Variants in PDE6B observed in about 807,000 individuals in gnomAD.
The protein encoded by PDE6B is rod cGMP-specific 3',5'-cyclic phosphodiesterase subunit beta.
In PDE6B, 106 loss-of-function variants were observed where a neutral mutation model predicts 109.0. That is an observed-to-expected ratio of 0.97 (90% CI 0.83 to 1.14). The LOEUF (loss-of-function observed/expected upper bound fraction) is 1.14. Among genes scored for constraint, PDE6B ranks in the 50% most tolerant of loss-of-function variants. The probability of loss-of-function intolerance (pLI) is 0.00; values close to 1 mark genes in which losing one functional copy is unlikely to be tolerated. For missense variants in PDE6B, 1,193 were observed against 1,155.6 expected (o/e 1.03, Z -0.47); for synonymous variants, 490 against 471.3 (o/e 1.04, Z -0.51).
rs1373800901 is a variant in PDE6B at position 626,311 on chromosome 4, G to T, written c.468+217G>T. On this transcript the variant is annotated intron_variant, in intron 1 of 21. Coordinates refer to ENST00000496514, the MANE Select transcript of PDE6B (RefSeq NM_000283.4). The surrounding 1 kb of genome is among the most constrained non-coding windows in gnomAD (Gnocchi z 4.6). Reference sequence around the variant, plus strand: ...TCGGCTTCTGGCTCAAGCTGACATCGCATGGCCACTGAGTTGGTTAGACCT... The same window carrying T: ...TCGGCTTCTGGCTCAAGCTGACATCTCATGGCCACTGAGTTGGTTAGACCT... Among the ~76,000 whole-genome samples the T allele has an allele frequency of 6.6e-6, 1 of 152,214 alleles. No homozygotes were observed. Among genetic ancestry groups the T allele is most frequent in the Non-Finnish European group, 1.5e-5 (1 of 68,044 alleles).
intron 3 of PDE6B, among the ~76,000 whole-genome samples, chr4:649,586 G>A (rs1258858428): frequency 6.6e-6 from 1 of 152,130 alleles, no homozygotes; most frequent in Non-Finnish European, 1.5e-5. Context: ...AGCCTGGGAA[G>A]ACTGTTCACT....
intron 5 of PDE6B, chr4:654,410 G>T: frequency 1.6e-6 from 1 of 634,926 alleles, no homozygotes; most frequent in Non-Finnish European, 2.9e-6. Flanking sequence ...GATTGTGGGG[G>T]CTCCTGCTGC....
chr4:629,437 G>A (rs1272189284), intron 1 of PDE6B, among the ~76,000 whole-genome samples: 7 of 152,214 alleles, frequency 4.6e-5, no homozygotes, highest in Admixed American at 1.3e-4. Flanking sequence ...ACTGTGCAGC[G>A]GTTTCTGAGC....
In PDE6B at chr4:625,908, C is replaced by G; in HGVS notation, c.282C>G (p.Leu94=). Residue 94 remains leucine (L), a synonymous_variant, in exon 1 of 22, where the codon CTC becomes CTG. Coordinates refer to ENST00000496514, the MANE Select transcript of PDE6B (RefSeq NM_000283.4). The surrounding 1 kb of genome is among the most constrained non-coding windows in gnomAD (Gnocchi z 5.0). ...CTLLQADRCS[L]FMYRQRNGVA... is the part of the protein sequence containing the mutation. ...TCCTGCAGGCCGACCGCTGCAGCCTCTTCATGTACCGCCAGCGCAACGGCG... is the reference window on the plus strand; with the variant it reads ...TCCTGCAGGCCGACCGCTGCAGCCTGTTCATGTACCGCCAGCGCAACGGCG... 5 of 1,603,262 alleles carry G rather than the reference C, an allele frequency of 3.1e-6. No homozygotes were observed. Among genetic ancestry groups the G allele is most frequent in the South Asian group, 1.1e-5 (1 of 89,720 alleles).
rs905595326 is a variant in PDE6B, at chr4:667,744, C to T, written c.2353-112C>T. On this transcript the variant is annotated intron_variant, in intron 20 of 21. Coordinates refer to ENST00000496514, the MANE Select transcript of PDE6B (RefSeq NM_000283.4). ...AGGTGCCCCCTCCGTGGCGCTCCCT[C>T]CTCCTGCCAGGCAGTTCATCCCCTA... is the stretch of plus-strand genomic sequence containing the variant. The T allele has an allele frequency of 7.6e-6, 9 of 1,190,272 alleles. No individual in the cohort carries two copies. In the East Asian group the frequency reaches 1.7e-4, roughly 22 times the overall value. 73.7% of individuals were successfully genotyped at this position (1,190,272 alleles called of 1,614,324 possible). A position where few individuals can be genotyped will look rare whatever the true frequency, so the allele number is the denominator to read the frequency against.
At chr4:641,677 C>T (rs1734951789) in intron 3 of PDE6B, among the ~76,000 whole-genome samples, 1 of 152,202 alleles carries the variant, frequency 6.6e-6, no homozygotes, top group Non-Finnish European at 1.5e-5. Flanking sequence ...GACAGAGTCT[C>T]ACTCTGTCAC....
intron 20 of PDE6B, among the ~76,000 whole-genome samples, chr4:667,092 C>T (rs1737885186): frequency 6.6e-6 from 1 of 152,250 alleles, no homozygotes; most frequent in Admixed American, 6.5e-5. Context: ...CAATCTGCCA[C>T]AGTCCGATGC....
chr4:652,460 G>A (rs1193280807), intron 3 of PDE6B: 3 of 981,630 alleles, frequency 3.1e-6, no homozygotes, highest in Non-Finnish European at 3.6e-6. Flanking sequence ...GTGAAAGGGT[G>A]CAAAGCGTTC....
chr4:639,779 T>C (rs943017276), intron 3 of PDE6B, among the ~76,000 whole-genome samples: 7 of 152,178 alleles, frequency 4.6e-5, no homozygotes, highest in African/African-American at 1.4e-4. Context: ...GAGACCAGCC[T>C]GGGCAACACG....
intron 3 of PDE6B, among the ~76,000 whole-genome samples, chr4:639,427 C>A (rs1477651779): frequency 1.3e-5 from 2 of 152,122 alleles, no homozygotes; most frequent in Non-Finnish European, 2.9e-5. Context: ...GCAAGTCAGG[C>A]AGAGCAGGGG....
At position 665,202 on chromosome 4, in the gene PDE6B, C is replaced by G; in HGVS notation, c.2194-53C>G. 1 of 1,361,800 alleles carries G rather than the reference C, an allele frequency of 7.3e-7. No homozygotes were observed. Among genetic ancestry groups the G allele is most frequent in the Non-Finnish European group, 1.0e-6 (1 of 958,538 alleles). The allele number at this position is 1,361,800 out of a possible 1,614,324, so 84.4% of individuals were successfully genotyped here. A position where few individuals can be genotyped will look rare whatever the true frequency, so the allele number is the denominator to read the frequency against. The stretch of plus-strand genomic sequence containing the variant: ...CGGAGCCTCACGGGGCGGGCCCGGG[C>G]CCTTCCGCGTGGGCTCAGAGCTCCA... On this transcript the variant is annotated intron_variant, in intron 18 of 21. Coordinates refer to ENST00000496514, the MANE Select transcript of PDE6B (RefSeq NM_000283.4). This position sits in a 1 kb window ranked among gnomAD's most constrained non-coding sequence, Gnocchi z 4.0.
rs1737858821 is a variant in PDE6B at position 666,851 on chromosome 4, G to A, written c.2352+237G>A. Among the ~76,000 whole-genome samples, 1 of 152,174 alleles carries A rather than the reference G, an allele frequency of 6.6e-6. No homozygotes were observed. The highest frequency in any genetic ancestry group is 1.5e-5 in the Non-Finnish European group (1 of 68,022). ...ACCCTGCTGTGCCCCTGGAAGCTCT[G>A]AGCCCTTTCCCAGCCCAGAATGTCC... On this transcript the variant is annotated intron_variant, in intron 20 of 21. Transcript: ENST00000496514. The surrounding 1 kb of genome is among the most constrained non-coding windows in gnomAD (Gnocchi z 5.6).
intron 1 of PDE6B, among the ~76,000 whole-genome samples, chr4:627,439 C>G (rs1345622440): frequency 6.6e-6 from 1 of 152,170 alleles, no homozygotes; most frequent in Non-Finnish European, 1.5e-5. Context: ...AGCCACCGCA[C>G]CAGGCCGGAA....
chr4:631,477 C>T (rs1203075498), intron 1 of PDE6B, among the ~76,000 whole-genome samples: 1 of 151,456 alleles, frequency 6.6e-6, no homozygotes, highest in Admixed American at 6.6e-5. Context: ...TTGTGTGGAT[C>T]CCTGTGGCGC....
Position 663,991 on chromosome 4 carries a change from C to T in PDE6B, c.2021+121C>T, listed in dbSNP as rs887334709. 20 of 1,100,468 alleles carry T rather than the reference C, an allele frequency of 1.8e-5. No individual in the cohort carries two copies. The East Asian group carries it at 4.6e-4, about 25-fold the overall frequency. The allele number at this position is 1,100,468 out of a possible 1,614,324, so 68.2% of individuals were successfully genotyped here. On this transcript the variant is annotated intron_variant, in intron 16 of 21. Transcript: ENST00000496514. This position sits in a 1 kb window ranked among gnomAD's most constrained non-coding sequence, Gnocchi z 4.0. ...ACGCAGCCCCGGATTCCGTCCCTGC[C>T]CGCCGGCCCCGCGCACCCCGGATGG...
Position 665,004 on chromosome 4 carries a change from G to A in PDE6B, c.2193+60G>A. ...TGCCTCTCAGCACATGGGACTGCCG[G>A]GCGGGCGGGAGCCTCGGATGGCAAC... On this transcript the variant is annotated intron_variant, in intron 18 of 21. Coordinates refer to ENST00000496514, the MANE Select transcript of PDE6B (RefSeq NM_000283.4). This position sits in a 1 kb window ranked among gnomAD's most constrained non-coding sequence, Gnocchi z 4.0. 1 of 1,369,864 alleles carries A rather than the reference G, an allele frequency of 7.3e-7. No homozygotes were observed. The highest frequency in any genetic ancestry group is 1.2e-5 in the South Asian group (1 of 86,290). 84.9% of individuals were successfully genotyped at this position (1,369,864 alleles called of 1,614,324 possible).
intron 8 of PDE6B, among the ~76,000 whole-genome samples, chr4:656,508 C>G (rs960277506): frequency 1.3e-5 from 2 of 151,850 alleles, no homozygotes; most frequent in African/African-American, 4.8e-5. Flanking sequence ...AGGCCGTGAC[C>G]GCGGCCCCCA....
rs193121621 is a variant in PDE6B, at chr4:626,586, C to T, written c.468+492C>T. 2.6e-5 allele frequency among the ~76,000 whole-genome samples: 4 copies of T among 152,338 alleles called. No individual in the cohort carries two copies. In the East Asian group the frequency reaches 5.8e-4, roughly 22 times the overall value. On this transcript the variant is annotated intron_variant, in intron 1 of 21. Coordinates refer to ENST00000496514, the MANE Select transcript of PDE6B (RefSeq NM_000283.4). The surrounding 1 kb of genome is among the most constrained non-coding windows in gnomAD (Gnocchi z 4.6). The stretch of plus-strand genomic sequence containing the variant: ...GAGGGAGAGCCAGGGGAACCCCAAA[C>T]TTCCACTGTGGCAGAAGCAGCTTTA...
At chr4:656,092 C>A (rs915962227) in intron 7 of PDE6B, 86 bp downstream of exon 7, 1 of 1,056,858 alleles carries the variant, frequency 9.5e-7, no homozygotes. Context: ...TGCCACGTCC[C>A]GCCCTCCCGG....
Sources: allele counts gnomAD v4.1 joint callset (sites outside exome capture counted in the v4.1 genomes callset), GRCh38; gene constraint gnomAD v4.1.1; non-coding constraint Gnocchi (gnomAD v3.1); transcripts MANE v1.5; gene names NCBI Gene and HGNC (gene_info 2026-07-23, HGNC 2026-07-21).